The following MOK variants were observed in gnomAD, a reference collection of about 807,000 sequenced individuals.
MOK encodes MOK protein kinase, also known as MAPK/MAK/MRK overlapping kinase.
Under a neutral mutation model 54.2 loss-of-function variants are expected in MOK, and 59 were observed. The ratio of observed to expected loss-of-function variants is 1.09; its 90% CI spans 0.88 to 1.35. The LOEUF (loss-of-function observed/expected upper bound fraction) is 1.35. MOK is among the 40% of genes most tolerant of loss of function. The pLI is 0.00. For synonymous variants in MOK, 210 were observed against 202.7 expected, an observed-to-expected ratio of 1.04 and a Z score of -0.31; for missense variants, 517 against 526.2, an observed-to-expected ratio of 0.98 and a Z score of 0.17.
At chr14:102,262,766 A>C (rs1375276088) in intron 4 of MOK, among the ~76,000 whole-genome samples, 1 of 152,142 alleles carries the variant, frequency 6.6e-6, no homozygotes, top group Non-Finnish European at 1.5e-5. Context: ...CTGTCACTAA[A>C]ATTCTTTTCC....
At position 102,265,865 on chromosome 14, in the gene MOK, A is replaced by T; in HGVS notation, c.170T>A (p.Leu57Gln). 1 of 1,614,050 alleles carries T rather than the reference A, an allele frequency of 6.2e-7. No homozygotes were observed. Among genetic ancestry groups the T allele is most frequent in the East Asian group, 2.2e-5 (1 of 44,880 alleles). The change falls in exon 3 of 12, where the codon CTG (leucine) becomes CAG (glutamine). Residue 57 changes from leucine (L) to glutamine (Q), a missense_variant. Transcript: ENST00000361847. The stretch of plus-strand genomic sequence containing the variant: ...CATAAGAATGTTTGGGTGCGGATTC[A>T]GGCGCCTCAGTGCTTGGATCTCTCG... Reference protein sequence around the residue: ...NLREIQALRRLNPHPNILMLH... With the variant: ...NLREIQALRRQNPHPNILMLH...
intron 1 of MOK, among the ~76,000 whole-genome samples, chr14:102,293,210 C>T (rs115797163): frequency 0.019 from 2,845 of 152,156 alleles, 57 homozygotes; most frequent in South Asian, 0.096. Context: ...AGTAAGAATG[C>T]CAGAAACTTA....
Position 102,250,988 on chromosome 14 carries a change from C to T in MOK, c.414G>A (p.Gln138=). 1 of 1,613,868 alleles carries T rather than the reference C, an allele frequency of 6.2e-7. No homozygotes were observed. The highest frequency in any genetic ancestry group is 8.5e-7 in the Non-Finnish European group (1 of 1,179,918). The change falls in exon 7 of 12, where the codon CAG becomes CAA. Residue 138 remains glutamine, a splice_region_variant and synonymous_variant. Transcript: ENST00000361847. ...DVKPENILIK[Q]DVLKLGDFGS... The stretch of plus-strand genomic sequence containing the variant: ...CAAAGTCCCCTAATTTCAGGACATC[C>T]TGCTGGAAGGGGAAAGAAGCAAGGA...
At chr14:102,297,763 G>T (rs559229050) in intron 1 of MOK, among the ~76,000 whole-genome samples, 2 of 152,184 alleles carry the variant, frequency 1.3e-5, no homozygotes, top group African/African-American at 4.8e-5. Context: ...TGGGCTCAGC[G>T]GGCCCCGCAC....
downstream of MOK, among the ~76,000 whole-genome samples, chr14:102,220,184 G>A (rs994148563): frequency 3.3e-5 from 5 of 152,170 alleles, no homozygotes; most frequent in African/African-American, 1.2e-4. This position sits in a 1 kb window ranked among gnomAD's most constrained non-coding sequence, Gnocchi z 4.2. Context: ...GCCCTCCCCT[G>A]GGAGTGATGG....
chr14:102,243,724 T>C (rs945673591), intron 7 of MOK, among the ~76,000 whole-genome samples: 1 of 152,196 alleles, frequency 6.6e-6, no homozygotes, highest in East Asian at 1.9e-4. Context: ...CTGACCCCCA[T>C]GACTGTATCT....
chr14:102,263,473 G>T, intron 4 of MOK, 73 bp downstream of exon 4: 1 of 1,087,774 alleles, frequency 9.2e-7, no homozygotes, highest in Non-Finnish European at 1.3e-6. Flanking sequence ...ATGATGTTGA[G>T]AATAACTAAG....
chr14:102,284,508 A>G (rs560092283), intron 1 of MOK, among the ~76,000 whole-genome samples: 35 of 152,210 alleles, frequency 2.3e-4, no homozygotes, highest in Non-Finnish European at 4.1e-4. Context: ...TGGCTATACC[A>G]CTTTTCAAGC....
chr14:102,280,147 C>A (rs2069266248), intron 2 of MOK, among the ~76,000 whole-genome samples: 1 of 151,970 alleles, frequency 6.6e-6, no homozygotes, highest in African/African-American at 2.4e-5. Flanking sequence ...CATCCTGGAT[C>A]TGCTTTCTGC....
intron 1 of MOK, among the ~76,000 whole-genome samples, chr14:102,286,082 G>A (rs554277443): frequency 1.3e-5 from 2 of 151,162 alleles, no homozygotes; most frequent in African/African-American, 4.9e-5. Flanking sequence ...GGCGGATCAC[G>A]AGGTCAGAAG....
intron 7 of MOK, among the ~76,000 whole-genome samples, chr14:102,234,354 G>A (rs2065025391): frequency 6.6e-6 from 1 of 151,772 alleles, no homozygotes; most frequent in Non-Finnish European, 1.5e-5. Context: ...CATTGCTGGT[G>A]ACTTCATCCA....
rs2065256631 is a variant in MOK, at chr14:102,236,782, C to G, written c.591-2993G>C. Among the ~76,000 whole-genome samples, 1 of 152,154 alleles carries G rather than the reference C, an allele frequency of 6.6e-6. No homozygotes were observed. Among genetic ancestry groups the G allele is most frequent in the Non-Finnish European group, 1.5e-5 (1 of 68,030 alleles). ...TCCCCAAAAACCCTATCTCCCTAACCCACCAAAAAGGCTTACAGCCCATCA... is the reference window on the plus strand; with the variant it reads ...TCCCCAAAAACCCTATCTCCCTAACGCACCAAAAAGGCTTACAGCCCATCA... On this transcript the variant is annotated intron_variant, in intron 7 of 11. Coordinates refer to ENST00000361847, the MANE Select transcript of MOK (RefSeq NM_014226.3). This position sits in a 1 kb window ranked among gnomAD's most constrained non-coding sequence, Gnocchi z 4.5.
At chr14:102,286,172 G>A (rs1274617064) in intron 1 of MOK, among the ~76,000 whole-genome samples, 1 of 151,452 alleles carries the variant, frequency 6.6e-6, no homozygotes, top group Admixed American at 6.6e-5. Flanking sequence ...GGTGGCGGGT[G>A]CCTGTAGTCC....
chr14:102,277,904 T>C (rs559825820), intron 2 of MOK, among the ~76,000 whole-genome samples: 1 of 152,348 alleles, frequency 6.6e-6, no homozygotes, highest in East Asian at 1.9e-4. Flanking sequence ...GATTGCATGT[T>C]TGTGTCCTCT....
At chr14:102,228,215 C>T (rs1459225860), downstream of MOK, among the ~76,000 whole-genome samples, 1 of 152,190 alleles carries the variant, frequency 6.6e-6, no homozygotes, top group Non-Finnish European at 1.5e-5. Flanking sequence ...CTCCATACTC[C>T]CCAGAGACAG....
In MOK at chr14:102,265,136, G is replaced by A. The variant is rs575806354; in HGVS notation, c.212+687C>T. 6.6e-5 allele frequency among the ~76,000 whole-genome samples: 10 copies of A among 152,296 alleles called. No homozygotes were observed. The South Asian group carries it at 1.7e-3, about 25-fold the overall frequency. On this transcript the variant is annotated intron_variant, in intron 3 of 11. Transcript: ENST00000361847. Reference sequence around the variant, plus strand: ...AATTACAGTAAGAAAGACTACAGGAGACTGTTCAGAAATGGCAACTGGCAG... The same window carrying A: ...AATTACAGTAAGAAAGACTACAGGAAACTGTTCAGAAATGGCAACTGGCAG...
In MOK at chr14:102,232,656, G is replaced by A. The variant is rs771314838; in HGVS notation, c.745C>T (p.Leu249=). The change falls in exon 9 of 12, where the codon CTA becomes TTA. Residue 249 remains leucine (L), a synonymous_variant. Transcript: ENST00000361847. This position sits in a 1 kb window ranked among gnomAD's most constrained non-coding sequence, Gnocchi z 5.1. ...TGTGGGGACAAATTGGTTGTTAGTA[G>A]AGGTATTCCTGATCCCTTTTTAAAA... ...FPFKKGSGIP[L]LTTNLSPQCL... 1.2e-6 allele frequency: 2 copies of A among 1,614,100 alleles called. No individual in the cohort carries two copies. The highest frequency in any genetic ancestry group is 1.7e-6 in the Non-Finnish European group (2 of 1,179,960).
At chr14:102,219,625 G>C (rs1198502123), downstream of MOK, among the ~76,000 whole-genome samples, 1 of 152,230 alleles carries the variant, frequency 6.6e-6, no homozygotes, top group Non-Finnish European at 1.5e-5. Context: ...GCGGGCTCCA[G>C]GGAGTCCCTG....
chr14:102,257,712 C>T (rs1330941474), intron 4 of MOK, among the ~76,000 whole-genome samples: 4 of 152,242 alleles, frequency 2.6e-5, no homozygotes, highest in Non-Finnish European at 5.9e-5. Flanking sequence ...GGCGCAGTGG[C>T]TCACGCCTGT....
Sources: allele counts gnomAD v4.1 joint callset (sites outside exome capture counted in the v4.1 genomes callset), GRCh38; gene constraint gnomAD v4.1.1; non-coding constraint Gnocchi (gnomAD v3.1); transcripts MANE v1.5; gene names NCBI Gene and HGNC (gene_info 2026-07-23, HGNC 2026-07-21).